REC114: variants seen among roughly 807,000 people sequenced by gnomAD.
REC114 encodes REC114 meiotic recombination protein.
In REC114, 27 loss-of-function variants were observed where a neutral mutation model predicts 31.3. The observed-to-expected ratio is 0.86, with a 90% CI of 0.64 to 1.19. The LOEUF (loss-of-function observed/expected upper bound fraction) is 1.19. Among genes scored for constraint, REC114 ranks in the 50% most tolerant of loss-of-function variants. REC114 has a pLI of 0.00. For synonymous variants in REC114, 134 were observed against 127.7 expected (o/e 1.05, Z -0.33); for missense variants, 344 against 326.9 (o/e 1.05, Z -0.40).
Position 73,551,521 on chromosome 15 carries a change from C to T in REC114, c.546+371C>T, listed in dbSNP as rs540162863. Among the ~76,000 whole-genome samples, 17 of 152,264 alleles carry T rather than the reference C, an allele frequency of 1.1e-4. No homozygotes were observed. The South Asian group carries it at 1.5e-3, about 13-fold the overall frequency. On this transcript the variant is annotated intron_variant, in intron 4 of 5. Coordinates refer to ENST00000331090, the MANE Select transcript of REC114 (RefSeq NM_001042367.2). Reference sequence around the variant, plus strand: ...ATTTGAATTGATGACACAAAGGCATCGTAAGGCTGCTGTCATCTCATACAG... The same window carrying T: ...ATTTGAATTGATGACACAAAGGCATTGTAAGGCTGCTGTCATCTCATACAG...
chr15:73,472,064 T>C lies in REC114; in HGVS notation c.160-1768T>C, dbSNP rs193120676. On this transcript the variant is annotated intron_variant, in intron 1 of 5. Coordinates refer to ENST00000331090, the MANE Select transcript of REC114 (RefSeq NM_001042367.2). ...CTGGGTGATGTATTTGCTTTGTCATTGTTCATTGAGCTGTACACTTATATT... is the reference window on the plus strand; with the variant it reads ...CTGGGTGATGTATTTGCTTTGTCATCGTTCATTGAGCTGTACACTTATATT... 1.7e-3 allele frequency among the ~76,000 whole-genome samples: 253 copies of C among 152,358 alleles called. 1 individual carries two copies. Among genetic ancestry groups the C allele is most frequent in the Non-Finnish European group, 2.3e-3 (157 of 68,024 alleles).
At chr15:73,517,547 T>G (rs1893876500) in intron 2 of REC114, among the ~76,000 whole-genome samples, 1 of 151,978 alleles carries the variant, frequency 6.6e-6, no homozygotes, top group Non-Finnish European at 1.5e-5. Context: ...GAAGGAAAAC[T>G]TTGAAGTTTC....
At chr15:73,477,881 T>A (rs149971336) in intron 2 of REC114, among the ~76,000 whole-genome samples, 1,738 of 152,262 alleles carry the variant, frequency 0.011, 30 homozygotes, top group African/African-American at 0.04. Context: ...TTGATAAAAA[T>A]TACTATATTA....
intron 2 of REC114, among the ~76,000 whole-genome samples, chr15:73,529,134 A>AT (rs1406666931): frequency 2.0e-5 from 3 of 150,624 alleles, no homozygotes; most frequent in African/African-American, 7.3e-5. Flanking sequence ...TTATTTATTT[A>AT]TTTATTTTAT....
chr15:73,494,831 C>T (rs1893496498), intron 2 of REC114, among the ~76,000 whole-genome samples: 1 of 152,154 alleles, frequency 6.6e-6, no homozygotes, highest in South Asian at 2.1e-4. Flanking sequence ...TGACCTAAGC[C>T]TTGTTATACT....
At chr15:73,463,506 TTTCTC>T (rs1419597888) in intron 1 of REC114, among the ~76,000 whole-genome samples, 1 of 152,216 alleles carries the variant, frequency 6.6e-6, no homozygotes, top group African/African-American at 2.4e-5. Flanking sequence ...TTCTTGATGT[TTTCTC>T]TTCATTTACC....
chr15:73,475,234 A>G (rs1375668233), intron 2 of REC114, among the ~76,000 whole-genome samples: 2 of 152,214 alleles, frequency 1.3e-5, no homozygotes, highest in African/African-American at 2.4e-5. Context: ...ATTTCTTTGT[A>G]TCACACATAG....
chr15:73,489,507 C>G (rs1471955658), intron 2 of REC114, among the ~76,000 whole-genome samples: 1 of 151,850 alleles, frequency 6.6e-6, no homozygotes, highest in Non-Finnish European at 1.5e-5. Flanking sequence ...CGCCTGGCAC[C>G]TGGAGCCCTT....
intron 2 of REC114, among the ~76,000 whole-genome samples, chr15:73,516,278 G>T (rs1893857394): frequency 6.6e-6 from 1 of 152,040 alleles, no homozygotes; most frequent in Non-Finnish European, 1.5e-5. Context: ...GAGCCACCTT[G>T]CCTGGCCTCT....
At chr15:73,509,523 A>G (rs1303233891) in intron 2 of REC114, among the ~76,000 whole-genome samples, 2 of 150,486 alleles carry the variant, frequency 1.3e-5, no homozygotes, top group Admixed American at 6.6e-5. Flanking sequence ...GCCCATGCCT[A>G]TGTCCTGAAT....
intron 2 of REC114, among the ~76,000 whole-genome samples, chr15:73,507,352 A>C (rs1464022890): frequency 6.6e-6 from 1 of 152,168 alleles, no homozygotes; most frequent in East Asian, 1.9e-4. Flanking sequence ...AACTTTCTCA[A>C]ATTATGAGAT....
chr15:73,554,857 A>G (rs548715807), intron 4 of REC114, among the ~76,000 whole-genome samples: 1 of 152,298 alleles, frequency 6.6e-6, no homozygotes, highest in South Asian at 2.1e-4. Context: ...TCTTTGTGTG[A>G]GCTGAAATGA....
At chr15:73,494,694 T>C (rs1306539872) in intron 2 of REC114, among the ~76,000 whole-genome samples, 2 of 152,226 alleles carry the variant, frequency 1.3e-5, no homozygotes, top group Non-Finnish European at 1.5e-5. Flanking sequence ...AATTGGTTGA[T>C]ATTCTATAAG....
chr15:73,517,879 G>A (rs1406016803), intron 2 of REC114, among the ~76,000 whole-genome samples: 3 of 152,148 alleles, frequency 2.0e-5, no homozygotes, highest in African/African-American at 7.2e-5. Flanking sequence ...GAATGAACAA[G>A]GGAAAGAGGA....
chr15:73,475,883 A>G (rs1893206218), intron 2 of REC114, among the ~76,000 whole-genome samples: 1 of 152,208 alleles, frequency 6.6e-6, no homozygotes, highest in South Asian at 2.1e-4. Flanking sequence ...TCACCTTGCA[A>G]GCTACATTCA....
chr15:73,549,007 A>C (rs1014015599), intron 3 of REC114, among the ~76,000 whole-genome samples: 3 of 152,116 alleles, frequency 2.0e-5, no homozygotes, highest in African/African-American at 7.2e-5. Context: ...GAGGGGAACA[A>C]CACACACTGG....
chr15:73,520,188 T>C (rs1893916077), intron 2 of REC114, among the ~76,000 whole-genome samples: 1 of 152,150 alleles, frequency 6.6e-6, no homozygotes, highest in South Asian at 2.1e-4. Flanking sequence ...CATAAATAGA[T>C]GGTCCTTATG....
chr15:73,494,407 A>G, intron 2 of REC114, among the ~76,000 whole-genome samples: 1 of 151,058 alleles, frequency 6.6e-6, no homozygotes. Context: ...CAGGAGAATC[A>G]TTTGAACCTG....
intron 4 of REC114, among the ~76,000 whole-genome samples, chr15:73,554,479 A>G (rs1305652890): frequency 6.6e-6 from 1 of 152,198 alleles, no homozygotes; most frequent in Non-Finnish European, 1.5e-5. Context: ...TTCTATTTCA[A>G]GTTCTTGAGT....
Sources: gnomAD v4.1 joint callset for allele counts (sites outside exome capture counted in the v4.1 genomes callset) on GRCh38, gnomAD v4.1.1 for gene constraint, MANE v1.5 for transcripts, NCBI Gene and HGNC (gene_info 2026-07-23, HGNC 2026-07-21) for gene names.